ZMAT4: variants seen among roughly 807,000 people sequenced by gnomAD.
The protein encoded by ZMAT4 is zinc finger matrin-type protein 4.
ZMAT4 carries 17 observed loss-of-function variants against 28.7 expected under a neutral mutation model. That is an observed-to-expected ratio of 0.59 (90% CI 0.41 to 0.89). The LOEUF (loss-of-function observed/expected upper bound fraction) is 0.89, where lower values mean the gene tolerates loss of function less well. Among genes scored for constraint, ZMAT4 ranks in the 40% least tolerant of loss-of-function variants. ZMAT4 has a pLI of 0.00. For missense variants in ZMAT4, 240 were observed against 283.8 expected, an observed-to-expected ratio of 0.85 and a Z score of 1.11; for synonymous variants, 117 against 109.2, an observed-to-expected ratio of 1.07 and a Z score of -0.44.
chr8:40,791,710 A>G (rs1814332918), intron 2 of ZMAT4, among the ~76,000 whole-genome samples: 1 of 152,202 alleles, frequency 6.6e-6, no homozygotes, highest in Admixed American at 6.5e-5. Flanking sequence ...CTATTGACCA[A>G]CTACGGACTC....
chr8:40,741,406 T>C (rs1338730697), intron 3 of ZMAT4, among the ~76,000 whole-genome samples: 2 of 147,954 alleles, frequency 1.4e-5, no homozygotes, highest in Non-Finnish European at 3.0e-5. Context: ...TAAATTGCGC[T>C]ACTTCACTCC....
chr8:40,627,366 A>T (rs1327398361), intron 5 of ZMAT4, among the ~76,000 whole-genome samples: 2 of 152,158 alleles, frequency 1.3e-5, no homozygotes, highest in Non-Finnish European at 2.9e-5. Flanking sequence ...AGATAAGTAC[A>T]CACACACAAA....
intron 1 of ZMAT4, among the ~76,000 whole-genome samples, chr8:40,832,080 A>T (rs574141573): frequency 1.7e-4 from 26 of 152,276 alleles, no homozygotes; most frequent in Admixed American, 3.3e-4. Context: ...CCCTGTGCCC[A>T]CGGCCTTCAC....
At chr8:40,747,744 A>T (rs1812297965) in intron 3 of ZMAT4, among the ~76,000 whole-genome samples, 1 of 152,150 alleles carries the variant, frequency 6.6e-6, no homozygotes, top group South Asian at 2.1e-4. Context: ...ACAGTAAGGG[A>T]TATAATAGAT....
intron 6 of ZMAT4, among the ~76,000 whole-genome samples, chr8:40,538,822 ATC>A (rs2118369562): frequency 6.6e-6 from 1 of 151,264 alleles, no homozygotes; most frequent in South Asian, 2.1e-4. Context: ...TTCCTTTGTC[ATC>A]CAGGCTGGAG....
At chr8:40,721,703 T>C (rs1811103787) in intron 3 of ZMAT4, among the ~76,000 whole-genome samples, 1 of 151,938 alleles carries the variant, frequency 6.6e-6, no homozygotes, top group African/African-American at 2.4e-5. Context: ...TCATAGTGGT[T>C]TTGATTTGCA....
chr8:40,779,979 A>G (rs545866783), intron 2 of ZMAT4, among the ~76,000 whole-genome samples: 1 of 152,218 alleles, frequency 6.6e-6, no homozygotes, highest in Admixed American at 6.5e-5. Context: ...CCAGCTCTCA[A>G]GCTCTTCAAC....
At chr8:40,631,643 T>G (rs1419416781) in intron 5 of ZMAT4, among the ~76,000 whole-genome samples, 1 of 152,192 alleles carries the variant, frequency 6.6e-6, no homozygotes, top group Non-Finnish European at 1.5e-5. Context: ...AGAAGTTAAA[T>G]CACATTCTTT....
chr8:40,602,716 G>A (rs143719226), intron 5 of ZMAT4, among the ~76,000 whole-genome samples: 1 of 152,018 alleles, frequency 6.6e-6, no homozygotes, highest in East Asian at 1.9e-4. Flanking sequence ...TTTTGATGAT[G>A]GGATTATTTG....
intron 5 of ZMAT4, among the ~76,000 whole-genome samples, chr8:40,589,731 C>CCTTTCCTTTCTTTCTTT: frequency 7.2e-6 from 1 of 139,384 alleles, no homozygotes; most frequent in East Asian, 2.1e-4. Context: ...TTCTTCCTTT[C>CCTTTCCTTTCTTTCTTT]CTTTCTTTCT....
chr8:40,691,535 CAT>C (rs1356703555), intron 4 of ZMAT4, among the ~76,000 whole-genome samples: 3 of 152,080 alleles, frequency 2.0e-5, no homozygotes, highest in Non-Finnish European at 4.4e-5. Context: ...CAATTCCACA[CAT>C]GTCTGGGAAT....
intron 3 of ZMAT4, among the ~76,000 whole-genome samples, chr8:40,722,714 C>T (rs989617639): frequency 1.3e-5 from 2 of 152,154 alleles, no homozygotes; most frequent in African/African-American, 4.8e-5. Flanking sequence ...CCTCCCTGCT[C>T]ACAGTCAGGA....
chr8:40,850,411 C>T (rs373012356), intron 1 of ZMAT4, among the ~76,000 whole-genome samples: 2 of 152,242 alleles, frequency 1.3e-5, no homozygotes, highest in African/African-American at 4.8e-5. Flanking sequence ...CCAGGACTCC[C>T]CTGCCAACAT....
chr8:40,841,900 C>A (rs534007189), intron 1 of ZMAT4, among the ~76,000 whole-genome samples: 2 of 152,130 alleles, frequency 1.3e-5, no homozygotes, highest in African/African-American at 4.8e-5. Context: ...CTGCAGGATG[C>A]GCTTCTGCAC....
chr8:40,598,596 C>A lies in ZMAT4; in HGVS notation c.578-17335G>T, dbSNP rs533032526. Among the ~76,000 whole-genome samples, 13 of 152,208 alleles carry A rather than the reference C, an allele frequency of 8.5e-5. No homozygotes were observed. The East Asian group carries it at 2.3e-3, about 27-fold the overall frequency. On this transcript the variant is annotated intron_variant, in intron 5 of 6. Transcript: ENST00000297737. ...CCATGGTGTATGTGTGCCATATTTT[C>A]TTTATCCAATCTATCATTGATGGGT... is the stretch of plus-strand genomic sequence containing the variant.
At chr8:40,753,067 CCGGTGTG>C (rs1415259755) in intron 3 of ZMAT4, among the ~76,000 whole-genome samples, 8 of 7,122 alleles carry the variant, frequency 1.1e-3, no homozygotes, top group East Asian at 0.33. Context: ...CCAACAGGCC[CCGGTGTG>C]TGGTGTGTGA....
rs941256729 is a variant in ZMAT4 at position 40,581,354 on chromosome 8, C to G, written c.578-93G>C. 6.7e-6 allele frequency: 7 copies of G among 1,037,864 alleles called. No individual in the cohort carries two copies. The African/African-American group carries it at 9.3e-5, about 14-fold the overall frequency. The allele number at this position is 1,037,864 out of a possible 1,614,324, so 64.3% of individuals were successfully genotyped here. On this transcript the variant is annotated intron_variant, in intron 5 of 6. Coordinates refer to ENST00000297737, the MANE Select transcript of ZMAT4 (RefSeq NM_024645.3). Reference sequence around the variant, plus strand: ...CTCCAGAAGTTCAGGGACACAGTGTCGGAGATAACTCCTGATCTACCCCAC... The same window carrying G: ...CTCCAGAAGTTCAGGGACACAGTGTGGGAGATAACTCCTGATCTACCCCAC...
chr8:40,698,065 A>G (rs1809975840), intron 3 of ZMAT4, among the ~76,000 whole-genome samples: 1 of 152,176 alleles, frequency 6.6e-6, no homozygotes, highest in Non-Finnish European at 1.5e-5. Context: ...ATACATGGCC[A>G]TGATGTTCAA....
At chr8:40,822,381 T>A (rs763069415) in intron 2 of ZMAT4, among the ~76,000 whole-genome samples, 3 of 152,162 alleles carry the variant, frequency 2.0e-5, no homozygotes, top group Admixed American at 6.5e-5. Flanking sequence ...CAGGTTGAAC[T>A]GAAAAATGAA....
Sources: gnomAD v4.1 joint callset for allele counts (sites outside exome capture counted in the v4.1 genomes callset) on GRCh38, gnomAD v4.1.1 for gene constraint, MANE v1.5 for transcripts, NCBI Gene and HGNC (gene_info 2026-07-23, HGNC 2026-07-21) for gene names.